STRBP: variants seen among roughly 807,000 people sequenced by gnomAD.
STRBP encodes spermatid perinuclear RNA-binding protein.
STRBP carries 13 observed loss-of-function variants against 80.1 expected under a neutral mutation model. That is an observed-to-expected ratio of 0.16 (90% CI 0.11 to 0.26). The LOEUF (loss-of-function observed/expected upper bound fraction) is 0.26. STRBP is among the 10% of genes least tolerant of loss of function. The pLI, the probability that STRBP is intolerant of heterozygous loss-of-function variation, is 1.00. For synonymous variants in STRBP, 284 were observed against 291.2 expected, an observed-to-expected ratio of 0.98 and a Z score of 0.25; for missense variants, 485 against 815.2, an observed-to-expected ratio of 0.59 and a Z score of 4.93.
At chr9:123,255,524 G>T (rs983187246) in intron 1 of STRBP, among the ~76,000 whole-genome samples, 2 of 152,190 alleles carry the variant, frequency 1.3e-5, no homozygotes, top group Admixed American at 1.3e-4. Flanking sequence ...CCTGTAAGTT[G>T]TATCAAGCTA....
At position 123,126,612 on chromosome 9, in the gene STRBP, G is replaced by C. The variant is rs1227434739; in HGVS notation, c.1943-939C>G. 2.6e-5 allele frequency among the ~76,000 whole-genome samples: 4 copies of C among 152,080 alleles called. No individual in the cohort carries two copies. Among genetic ancestry groups the C allele is most frequent in the African/African-American group, 7.2e-5 (3 of 41,410 alleles). ...AGAAAAAAAGACCAAGGAAAAACAT[G>C]AATGTAACTTAGAATCTAGATATTA... On this transcript the variant is annotated intron_variant, in intron 18 of 18. Transcript: ENST00000348403. The surrounding 1 kb of genome is among the most constrained non-coding windows in gnomAD (Gnocchi z 4.4).
intron 1 of STRBP, among the ~76,000 whole-genome samples, chr9:123,257,715 G>A (rs955634237): frequency 2.6e-5 from 4 of 152,116 alleles, no homozygotes; most frequent in South Asian, 2.1e-4. Flanking sequence ...CTACTCAGCA[G>A]ACTGAATGGG....
At chr9:123,208,036 C>A (rs2039582324) in intron 2 of STRBP, among the ~76,000 whole-genome samples, 1 of 151,204 alleles carries the variant, frequency 6.6e-6, no homozygotes, top group Non-Finnish European at 1.5e-5. Context: ...CCGGTACTAG[C>A]AAAATAAGTA....
intron 1 of STRBP, among the ~76,000 whole-genome samples, chr9:123,252,020 C>A (rs2040927970): frequency 6.6e-6 from 1 of 151,334 alleles, no homozygotes; most frequent in Non-Finnish European, 1.5e-5. Flanking sequence ...GCTTGCATAG[C>A]ACCATCTATT....
chr9:123,182,926 A>T (rs995164565), intron 3 of STRBP, among the ~76,000 whole-genome samples: 1 of 150,958 alleles, frequency 6.6e-6, no homozygotes, highest in African/African-American at 2.5e-5. Flanking sequence ...AGGCAGGAAG[A>T]TCCTTTGAGC....
intron 2 of STRBP, among the ~76,000 whole-genome samples, chr9:123,189,111 A>G (rs1208151541): frequency 2.6e-5 from 4 of 152,164 alleles, no homozygotes; most frequent in African/African-American, 9.7e-5. Context: ...CATATACACC[A>G]TGGAATACTA....
chr9:123,206,092 A>C (rs2039504181), intron 2 of STRBP, among the ~76,000 whole-genome samples: 1 of 152,312 alleles, frequency 6.6e-6, no homozygotes, highest in South Asian at 2.1e-4. Flanking sequence ...TTGTGAACAA[A>C]CCTCAATTCT....
At chr9:123,135,364 A>G (rs1445370938) in intron 16 of STRBP, among the ~76,000 whole-genome samples, 1 of 152,170 alleles carries the variant, frequency 6.6e-6, no homozygotes, top group African/African-American at 2.4e-5. Context: ...ATGAGGCACA[A>G]TGTGTCTTAT....
chr9:123,113,368 A>G (rs1023814868), intron 3 of STRBP: 7 of 167,144 alleles, frequency 4.2e-5, no homozygotes, highest in African/African-American at 1.4e-4. Flanking sequence ...GTTTGACACA[A>G]TCTCATCCGT....
At chr9:123,209,903 GA>G (rs1256469750) in intron 2 of STRBP, among the ~76,000 whole-genome samples, 1 of 152,172 alleles carries the variant, frequency 6.6e-6, no homozygotes. Context: ...AAGGTTCAGA[GA>G]AAGGGTAAAT....
chr9:123,253,432 A>C (rs965274445), intron 1 of STRBP, among the ~76,000 whole-genome samples: 3 of 152,232 alleles, frequency 2.0e-5, no homozygotes, highest in Non-Finnish European at 4.4e-5. Context: ...GAGAGTACTG[A>C]ATCCCTCAAA....
intron 2 of STRBP, among the ~76,000 whole-genome samples, chr9:123,220,303 G>A (rs142741526): frequency 7.1e-4 from 108 of 152,160 alleles, no homozygotes; most frequent in African/African-American, 2.5e-3. Context: ...CACAAACCTA[G>A]ATGTTATGGC....
intron 17 of STRBP, among the ~76,000 whole-genome samples, chr9:123,130,260 C>A (rs1248755091): frequency 6.6e-6 from 1 of 152,138 alleles, no homozygotes; most frequent in African/African-American, 2.4e-5. Context: ...TGACAACAGT[C>A]CCTGCTGCAC....
chr9:123,165,786 G>A (rs527634078), intron 6 of STRBP, among the ~76,000 whole-genome samples: 1 of 152,048 alleles, frequency 6.6e-6, no homozygotes, highest in Non-Finnish European at 1.5e-5. Context: ...AGGAGAGCTG[G>A]GTAAAATGTG....
At chr9:123,155,958 G>C (rs2037266865) in intron 11 of STRBP, among the ~76,000 whole-genome samples, 1 of 151,958 alleles carries the variant, frequency 6.6e-6, no homozygotes, top group African/African-American at 2.4e-5. Flanking sequence ...AAAGTGACTT[G>C]CCCAGGCCAT....
At chr9:123,256,765 C>T (rs1434112703) in intron 1 of STRBP, among the ~76,000 whole-genome samples, 1 of 151,988 alleles carries the variant, frequency 6.6e-6, no homozygotes, top group African/African-American at 2.4e-5. Context: ...CATCCTGGGA[C>T]CATTTAGACA....
intron 2 of STRBP, among the ~76,000 whole-genome samples, chr9:123,204,608 T>A (rs2039445968): frequency 6.6e-6 from 1 of 152,152 alleles, no homozygotes; most frequent in African/African-American, 2.4e-5. Flanking sequence ...AGGGGTAATG[T>A]GCCAAGAAAC....
At position 123,184,278 on chromosome 9, in the gene STRBP, G is replaced by A. The variant is rs113268887; in HGVS notation, c.-144C>T. 1.1e-3 allele frequency: 729 copies of A among 677,696 alleles called. 2 individuals are homozygous for A. In the African/African-American group the frequency reaches 0.011, roughly 11 times the overall value. 42.0% of individuals were successfully genotyped at this position (677,696 alleles called of 1,614,324 possible). On this transcript the variant is annotated 5_prime_UTR_variant, in exon 3 of 19. Transcript: ENST00000348403. The stretch of plus-strand genomic sequence containing the variant: ...AGCGTCAATATAGCAAATGTCTGAA[G>A]GCTTGTTCTCTGGAACACACCTGCA...
intron 2 of STRBP, among the ~76,000 whole-genome samples, chr9:123,193,577 AC>A (rs1327759061): frequency 1.3e-5 from 2 of 152,094 alleles, no homozygotes; most frequent in East Asian, 3.8e-4. Flanking sequence ...CGCAGAGATG[AC>A]CCTTCTAAAA....
Sources: allele counts gnomAD v4.1 joint callset (sites outside exome capture counted in the v4.1 genomes callset), GRCh38; gene constraint gnomAD v4.1.1; non-coding constraint Gnocchi (gnomAD v3.1); transcripts MANE v1.5; gene names NCBI Gene and HGNC (gene_info 2026-07-23, HGNC 2026-07-21).